Variants in EEPD1 observed in about 807,000 individuals in gnomAD.
EEPD1 encodes the protein endonuclease/exonuclease/phosphatase family domain-containing protein 1.
In EEPD1, 17 loss-of-function variants were observed where a neutral mutation model predicts 46.3. That is an observed-to-expected ratio of 0.37 (90% CI 0.25 to 0.55). The LOEUF (loss-of-function observed/expected upper bound fraction) is 0.55, where lower values mean the gene tolerates loss of function less well. Among genes scored for constraint, EEPD1 ranks in the 20% least tolerant of loss-of-function variants. The pLI, the probability that EEPD1 is intolerant of heterozygous loss-of-function variation, is 0.83. For missense variants in EEPD1, 673 were observed against 745.6 expected, an observed-to-expected ratio of 0.90 and a Z score of 1.13; for synonymous variants, 313 against 315.6, an observed-to-expected ratio of 0.99 and a Z score of 0.09.
chr7:36,180,999 T>G (rs1583791722), intron 2 of EEPD1, among the ~76,000 whole-genome samples: 1 of 152,242 alleles, frequency 6.6e-6, no homozygotes, highest in East Asian at 1.9e-4. Flanking sequence ...TTCTTAAAGC[T>G]GGGTTGGATC....
intron 4 of EEPD1, among the ~76,000 whole-genome samples, chr7:36,282,265 T>TG (rs1310273120): frequency 6.6e-6 from 1 of 152,258 alleles, no homozygotes; most frequent in African/African-American, 2.4e-5. Flanking sequence ...TGTATGTAGG[T>TG]GTCTGAGCTT....
chr7:36,179,309 A>T (rs899433528), intron 2 of EEPD1, among the ~76,000 whole-genome samples: 2 of 152,218 alleles, frequency 1.3e-5, no homozygotes, highest in African/African-American at 4.8e-5. Context: ...GCTGCATTTT[A>T]TAAGGTGTAT....
At chr7:36,211,901 G>T (rs1785941523) in intron 2 of EEPD1, among the ~76,000 whole-genome samples, 1 of 150,778 alleles carries the variant, frequency 6.6e-6, no homozygotes, top group African/African-American at 2.4e-5. Flanking sequence ...TTCCAGCCTG[G>T]GCAACAAGAG....
chr7:36,248,514 CTTTTTTTTT>C (rs35722763), intron 3 of EEPD1, among the ~76,000 whole-genome samples: 1 of 126,788 alleles, frequency 7.9e-6, no homozygotes, highest in Admixed American at 8.1e-5. Flanking sequence ...GCCAGATACT[CTTTTTTTTT>C]TTTTTTTTTT....
chr7:36,210,407 T>C (rs1785906188), intron 2 of EEPD1, among the ~76,000 whole-genome samples: 1 of 152,226 alleles, frequency 6.6e-6, no homozygotes, highest in Non-Finnish European at 1.5e-5. Context: ...AAAATAGTTC[T>C]AAGATTCCTC....
chr7:36,189,148 C>A (rs756884298), intron 2 of EEPD1, among the ~76,000 whole-genome samples: 4 of 151,362 alleles, frequency 2.6e-5, no homozygotes, highest in African/African-American at 4.9e-5. Flanking sequence ...TTGTACTGGC[C>A]CCCACGGGAC....
chr7:36,288,659 G>T (rs1392879793), intron 6 of EEPD1, among the ~76,000 whole-genome samples: 1 of 152,008 alleles, frequency 6.6e-6, no homozygotes, highest in Non-Finnish European at 1.5e-5. Context: ...ATATTCAGGA[G>T]GTTGAGGAGG....
chr7:36,226,607 A>G (rs890450061), intron 2 of EEPD1, among the ~76,000 whole-genome samples: 8 of 152,230 alleles, frequency 5.3e-5, no homozygotes, highest in African/African-American at 1.9e-4. Context: ...GTCTCAATAC[A>G]CTTTACTAAT....
At chr7:36,254,057 T>G (rs1786791733) in intron 3 of EEPD1, among the ~76,000 whole-genome samples, 1 of 152,242 alleles carries the variant, frequency 6.6e-6, no homozygotes. Context: ...AATATGGCAT[T>G]TAAATTATTT....
At chr7:36,276,316 A>C (rs111590170) in intron 3 of EEPD1, among the ~76,000 whole-genome samples, 1,542 of 152,300 alleles carry the variant, frequency 0.01, 29 homozygotes, top group African/African-American at 0.036. Context: ...CACTAATTAT[A>C]ATGCATTAGC....
At chr7:36,257,442 G>A (rs865816993) in intron 3 of EEPD1, among the ~76,000 whole-genome samples, 1 of 151,948 alleles carries the variant, frequency 6.6e-6, no homozygotes, top group Non-Finnish European at 1.5e-5. Context: ...CATTCTCCCC[G>A]TTACTTTCAG....
chr7:36,172,198 C>T lies in EEPD1; in HGVS notation c.878+16996C>T, dbSNP rs141581182. Among the ~76,000 whole-genome samples, 374 of 152,198 alleles carry T rather than the reference C, an allele frequency of 2.5e-3. 2 individuals carry two copies. The highest frequency in any genetic ancestry group is 6.9e-3 in the Middle Eastern group (2 of 290). On this transcript the variant is annotated intron_variant, in intron 2 of 7. Coordinates refer to ENST00000242108, the MANE Select transcript of EEPD1 (RefSeq NM_030636.3). ...TACAGTCTTTTGTTATAATGTTGGG[C>T]GTGTTAAGCCTCAGGAAAGTAGAAT...
At chr7:36,272,767 G>T (rs73686803) in intron 3 of EEPD1, among the ~76,000 whole-genome samples, 2,518 of 152,252 alleles carry the variant, frequency 0.017, 89 homozygotes, top group African/African-American at 0.058. Flanking sequence ...GCACCATCAT[G>T]CAGAATGCCT....
intron 2 of EEPD1, among the ~76,000 whole-genome samples, chr7:36,233,158 C>CAT (rs1484784601): frequency 6.6e-6 from 1 of 152,184 alleles, no homozygotes; most frequent in African/African-American, 2.4e-5. Flanking sequence ...CCTAACTTAG[C>CAT]ATATAAGTTG....
At chr7:36,296,485 C>A (rs541499518) in intron 6 of EEPD1, among the ~76,000 whole-genome samples, 2 of 152,302 alleles carry the variant, frequency 1.3e-5, no homozygotes, top group Admixed American at 1.3e-4. Context: ...GCATTGTCTC[C>A]TCCGGGAAGC....
intron 2 of EEPD1, among the ~76,000 whole-genome samples, chr7:36,222,107 T>C (rs546182793): frequency 2.6e-4 from 39 of 152,310 alleles, no homozygotes; most frequent in African/African-American, 9.1e-4. Context: ...CCTGCAAAAT[T>C]GAAAATTCAC....
chr7:36,200,695 A>G (rs186159915), intron 2 of EEPD1, among the ~76,000 whole-genome samples: 9 of 152,284 alleles, frequency 5.9e-5, no homozygotes, highest in African/African-American at 2.2e-4. Context: ...TATTCTGGTC[A>G]TCACTGAGAT....
intron 3 of EEPD1, among the ~76,000 whole-genome samples, chr7:36,246,063 C>T (rs1330235751): frequency 6.6e-6 from 1 of 152,194 alleles, no homozygotes; most frequent in East Asian, 1.9e-4. Flanking sequence ...CCTGCAAAGC[C>T]ACAAACAATA....
chr7:36,266,316 G>A (rs196571), intron 3 of EEPD1, among the ~76,000 whole-genome samples: 21,392 of 152,098 alleles, frequency 0.14, 1,765 homozygotes, highest in Non-Finnish European at 0.18. Context: ...GAATTACTGG[G>A]CTGTGCATTC....
Sources: allele counts gnomAD v4.1 joint callset (sites outside exome capture counted in the v4.1 genomes callset), GRCh38; gene constraint gnomAD v4.1.1; transcripts MANE v1.5; gene names NCBI Gene and HGNC (gene_info 2026-07-23, HGNC 2026-07-21).